Variants in KRT39 observed in about 807,000 individuals in gnomAD.
KRT39 encodes keratin 39.
KRT39 carries 47 observed loss-of-function variants against 54.8 expected under a neutral mutation model. The observed-to-expected ratio is 0.86, with a 90% CI of 0.68 to 1.09. The LOEUF (loss-of-function observed/expected upper bound fraction) is 1.09. Among genes scored for constraint, KRT39 ranks in the 50% least tolerant of loss-of-function variants. The probability of loss-of-function intolerance (pLI) is 0.00; values close to 1 mark genes in which losing one functional copy is unlikely to be tolerated. For missense variants in KRT39, 580 were observed against 598.5 expected, an observed-to-expected ratio of 0.97 and a Z score of 0.32; for synonymous variants, 207 against 227.9, an observed-to-expected ratio of 0.91 and a Z score of 0.83.
chr17:40,964,349 C>A (rs1171100321), intron 2 of KRT39, 97 bp downstream of exon 2: 32 of 947,152 alleles, frequency 3.4e-5, no homozygotes, highest in Non-Finnish European at 5.0e-5. Context: ...TCATCTGGGG[C>A]AAGAGGGTTA....
chr17:40,960,361 G>A lies in KRT39; in HGVS notation c.1137C>T (p.Tyr379=), dbSNP rs763824593. ...GGGACTTGACGTCCAGCAGGATCTC[G>A]TATTCTTGGTTCTGTCTTTCCAGGG... ...RCALERQNQE[Y]EILLDVKSRL... Residue 379 remains tyrosine, a synonymous_variant, in exon 6 of 7, where the codon TAC becomes TAT. Transcript: ENST00000355612. 1.7e-5 allele frequency: 28 copies of A among 1,613,928 alleles called. No individual in the cohort carries two copies. The highest frequency in any genetic ancestry group is 3.3e-4 in the Middle Eastern group (2 of 6,082).
At position 40,966,442 on chromosome 17, in the gene KRT39, G is replaced by A. The variant is rs144576097; in HGVS notation, c.415C>T (p.Leu139=). ...TAGTAAGACAGGTAATCAGGACATA[G>A]AACAGGGAGCTCTTTGTTACTTTCT... is the stretch of plus-strand genomic sequence containing the variant. ...QEESNKELPV[L]CPDYLSYYTT... is the part of the protein sequence containing the mutation. Residue 139 remains leucine, a synonymous_variant, in exon 1 of 7, where the codon CTA becomes TTA. Coordinates refer to ENST00000355612, the MANE Select transcript of KRT39 (RefSeq NM_213656.4). 398 of 1,614,148 alleles carry A rather than the reference G, an allele frequency of 2.5e-4. No individual in the cohort carries two copies. Among genetic ancestry groups the A allele is most frequent in the Non-Finnish European group, 2.9e-4 (342 of 1,180,004 alleles).
At chr17:40,965,253 G>C (rs144259675) in intron 1 of KRT39, among the ~76,000 whole-genome samples, 1 of 151,636 alleles carries the variant, frequency 6.6e-6, no homozygotes, top group Non-Finnish European at 1.5e-5. Flanking sequence ...GTGCGTGCCT[G>C]TAGACCCAGC....
At chr17:40,965,628 G>A (rs113520818) in intron 1 of KRT39, among the ~76,000 whole-genome samples, 4,405 of 152,222 alleles carry the variant, frequency 0.029, 231 homozygotes, top group African/African-American at 0.1. Context: ...CTTAGGTTTG[G>A]TGTAGAAACA....
rs369392944 is a variant in KRT39 at position 40,966,486 on chromosome 17, A to C, written c.371T>G (p.Leu124Arg). The C allele has an allele frequency of 3.7e-6, 6 of 1,614,068 alleles. No individual in the cohort carries two copies. The African/African-American group carries it at 6.7e-5, about 18-fold the overall frequency. ...ACTTTCTTCCTGGATTTTAGATTCC[A>C]GTTCAGCATTCTCTCGTTCTAGCAT... ...VRMLERENAE[L>R]ESKIQEESNK... Residue 124 changes from leucine (L) to arginine (R), a missense_variant, in exon 1 of 7, where the codon CTG (leucine) becomes CGG (arginine). By Grantham distance (102) the Leu-to-Arg change is moderately radical. Transcript: ENST00000355612.
intron 1 of KRT39, among the ~76,000 whole-genome samples, chr17:40,965,601 C>A (rs954684967): frequency 6.6e-6 from 1 of 152,074 alleles, no homozygotes; most frequent in Non-Finnish European, 1.5e-5. Context: ...TAGCAGAATA[C>A]GTCTGTGCAT....
In KRT39 at chr17:40,959,170, C is replaced by T. The variant is rs146254915; in HGVS notation, c.1218-311G>A. On this transcript the variant is annotated intron_variant, in intron 6 of 6. Transcript: ENST00000355612. ...GGCAGAGACCAGCTCTGTCCTTTAC[C>T]AGCTGGTGACCTCAGCTAAGTCATT... is the stretch of plus-strand genomic sequence containing the variant. 4.5e-3 allele frequency among the ~76,000 whole-genome samples: 690 copies of T among 152,326 alleles called. 7 individuals carry two copies. Among genetic ancestry groups the T allele is most frequent in the African/African-American group, 0.016 (665 of 41,562 alleles).
intron 5 of KRT39, chr17:40,960,777 G>T: frequency 3.8e-6 from 2 of 519,700 alleles, no homozygotes; most frequent in East Asian, 3.3e-5. Context: ...CAATAGTCTC[G>T]CACCACACTT....
At chr17:40,959,298 C>T (rs373281658) in intron 6 of KRT39, among the ~76,000 whole-genome samples, 2 of 152,072 alleles carry the variant, frequency 1.3e-5, no homozygotes, top group Admixed American at 6.6e-5. Flanking sequence ...CATTATTATC[C>T]GAGGAATGGA....
intron 1 of KRT39, among the ~76,000 whole-genome samples, chr17:40,964,749 G>A (rs1911296946): frequency 6.9e-6 from 1 of 145,258 alleles, no homozygotes; most frequent in Non-Finnish European, 1.5e-5. Flanking sequence ...AAACTTTTAA[G>A]TATTTTTTTT....
At chr17:40,961,144 A>G (rs1911137615) in intron 5 of KRT39, among the ~76,000 whole-genome samples, 1 of 151,948 alleles carries the variant, frequency 6.6e-6, no homozygotes, top group African/African-American at 2.4e-5. Flanking sequence ...AGAAAAAAAA[A>G]AAAAAGCATT....
Position 40,966,476 on chromosome 17 carries a change from T to G in KRT39, c.381A>C (p.Lys127Asn), listed in dbSNP as rs1911401332. The G allele has an allele frequency of 6.2e-7, 1 of 1,614,012 alleles. No homozygotes were observed. ...LERENAELES[K>N]IQEESNKELP... is the part of the protein sequence containing the mutation. ...GCTCTTTGTTACTTTCTTCCTGGAT[T>G]TTAGATTCCAGTTCAGCATTCTCTC... Residue 127 changes from lysine (K) to asparagine (N), a missense_variant, in exon 1 of 7, where the codon AAA becomes AAC. Transcript: ENST00000355612.
Position 40,958,444 on chromosome 17 carries a change from G to T in KRT39, c.*157C>A. The T allele has an allele frequency of 1.5e-6, 1 of 672,154 alleles. No individual in the cohort carries two copies. Among genetic ancestry groups the T allele is most frequent in the Non-Finnish European group, 2.5e-6 (1 of 407,892 alleles). The allele number at this position is 672,154 out of a possible 1,614,324, so 41.6% of individuals were successfully genotyped here. ...TTAGCAGTGGTGAGTTAGGGAAGGAGCAGAATAAAAGATATTCTACCTAGC... is the reference window on the plus strand; with the variant it reads ...TTAGCAGTGGTGAGTTAGGGAAGGATCAGAATAAAAGATATTCTACCTAGC... On this transcript the variant is annotated 3_prime_UTR_variant, in exon 7 of 7. Transcript: ENST00000355612.
At chr17:40,961,844 C>T (rs35151053) in intron 5 of KRT39, among the ~76,000 whole-genome samples, 2,459 of 152,174 alleles carry the variant, frequency 0.016, 67 homozygotes, top group African/African-American at 0.057. Flanking sequence ...TCATTAATAC[C>T]ATGAGATGTT....
At chr17:40,962,710 G>C in intron 3 of KRT39, 147 bp from the exon 4 acceptor site, 1 of 674,284 alleles carries the variant, frequency 1.5e-6, no homozygotes, top group Non-Finnish European at 2.5e-6. Flanking sequence ...GTGTTATTGA[G>C]ATGCTATAAA....
chr17:40,959,618 A>T (rs1310265791), intron 6 of KRT39, among the ~76,000 whole-genome samples: 1 of 152,226 alleles, frequency 6.6e-6, no homozygotes, highest in Non-Finnish European at 1.5e-5. Context: ...TGAAGAGTTC[A>T]CTGATTATTT....
Position 40,958,808 on chromosome 17 carries a change from A to T in KRT39, c.1269T>A (p.Ser423=). ...ATKCEPSPWT[S]CKSGAIESTA... ...TGCTTTCTATGGCTCCGGACTTACA[A>T]GATGTCCAAGGGGAAGGCTCACATT... Residue 423 remains serine (S), a synonymous_variant, in exon 7 of 7, where the codon TCT becomes TCA. Transcript: ENST00000355612. The T allele has an allele frequency of 6.2e-7, 1 of 1,613,312 alleles. No homozygotes were observed. The highest frequency in any genetic ancestry group is 2.2e-5 in the East Asian group (1 of 44,778).
rs148043276 is a variant in KRT39, at chr17:40,960,464, G to C, written c.1034C>G (p.Ala345Gly). 2 of 1,614,042 alleles carry C rather than the reference G, an allele frequency of 1.2e-6. No individual in the cohort carries two copies. The highest frequency in any genetic ancestry group is 1.1e-5 in the South Asian group (1 of 91,076). ...SQECILTETEARYTALLTQIQ... is the reference protein window; with the variant it reads ...SQECILTETEGRYTALLTQIQ... ...CTGGGTCAGCAAGGCCGTGTAGCGA[G>C]CCTCTGTCTCCGTTAGGATGCACTC... Residue 345 changes from alanine to glycine, a missense_variant, in exon 6 of 7, where the codon GCT becomes GGT. Coordinates refer to ENST00000355612, the MANE Select transcript of KRT39 (RefSeq NM_213656.4).
chr17:40,963,858 T>G, intron 2 of KRT39, 75 bp from the exon 3 acceptor site: 1 of 1,243,966 alleles, frequency 8.0e-7, no homozygotes, highest in Admixed American at 2.1e-5. Flanking sequence ...AACTCTCATC[T>G]GCATTTTGCT....
Sources: allele counts gnomAD v4.1 joint callset (sites outside exome capture counted in the v4.1 genomes callset), GRCh38; gene constraint gnomAD v4.1.1; transcripts MANE v1.5; gene names NCBI Gene and HGNC (gene_info 2026-07-23, HGNC 2026-07-21).